The following AHNAK variants were observed in gnomAD, a reference collection of about 807,000 sequenced individuals.
AHNAK encodes neuroblast differentiation-associated protein AHNAK.
Under a neutral mutation model 37.8 loss-of-function variants are expected in AHNAK, and 23 were observed. The ratio of observed to expected loss-of-function variants is 0.61; its 90% CI spans 0.44 to 0.86. The LOEUF (loss-of-function observed/expected upper bound fraction) is 0.86. AHNAK is among the 40% of genes least tolerant of loss of function. The probability of loss-of-function intolerance (pLI) is 0.00; values close to 1 mark genes in which losing one functional copy is unlikely to be tolerated. For missense variants in AHNAK, 7,411 were observed against 7,319.4 expected (o/e 1.01, Z -0.46); for synonymous variants, 2,481 against 2,636.3 (o/e 0.94, Z 1.80).
chr11:62,484,193 G>A (rs868061962), intron 5 of AHNAK, among the ~76,000 whole-genome samples: 1 of 151,976 alleles, frequency 6.6e-6, no homozygotes, highest in Non-Finnish European at 1.5e-5. Flanking sequence ...TCTGAAAAAC[G>A]TAGTGAAACC....
Position 62,517,233 on chromosome 11 carries a change from G to A in AHNAK, c.17184C>T (p.Val5728=). The A allele has an allele frequency of 6.2e-7, 1 of 1,614,170 alleles. No homozygotes were observed. The highest frequency in any genetic ancestry group is 8.5e-7 in the Non-Finnish European group (1 of 1,180,048). ...NFSKPKGKGG[V]TGSPEASISG... is the part of the protein sequence containing the mutation. ...AAATTGATGCTTCTGGTGAGCCAGT[G>A]ACACCACCTTTCCCTTTAGGTTTGG... The change falls in exon 5 of 5, where the codon GTC becomes GTT. Residue 5728 remains valine (V), a synonymous_variant. Transcript: ENST00000378024.
intron 5 of AHNAK, among the ~76,000 whole-genome samples, chr11:62,442,902 G>A (rs2134783851): frequency 6.6e-6 from 1 of 152,012 alleles, no homozygotes; most frequent in South Asian, 2.1e-4. Context: ...ACAAATTGTA[G>A]TGAGAATGGC....
rs1293031 is a variant in AHNAK, at chr11:62,522,710, G to C, written c.11707C>G (p.Gln3903Glu). 4 of 1,611,404 alleles carry C rather than the reference G, an allele frequency of 2.5e-6. No homozygotes were observed. The Admixed American group carries it at 6.7e-5, about 27-fold the overall frequency. Residue 3903 changes from glutamine to glutamate, a missense_variant, in exon 5 of 5, where the codon CAA (glutamine) becomes GAA (glutamate). By Grantham distance (29) the Gln-to-Glu change is conservative. Coordinates refer to ENST00000378024, the MANE Select transcript of AHNAK (RefSeq NM_001620.3). Reference protein sequence around the residue: ...VSLPKVEGDMQVPDLDIKGPK... With the variant: ...VSLPKVEGDMEVPDLDIKGPK... ...CCTTTAATATCCAAGTCAGGAACTT[G>C]CATGTCACCTTCCACTTTTGGCAGA... is the stretch of plus-strand genomic sequence containing the variant.
At chr11:62,456,533 C>A (rs1363022872) in intron 5 of AHNAK, among the ~76,000 whole-genome samples, 1 of 152,142 alleles carries the variant, frequency 6.6e-6, no homozygotes, top group Non-Finnish European at 1.5e-5. Context: ...AGATTTCAAC[C>A]CAGTTGGCTG....
rs1401987875 is a variant in AHNAK at position 62,523,228 on chromosome 11, C to T, written c.11189G>A (p.Gly3730Glu). Residue 3730 changes from glycine to glutamate, a missense_variant, in exon 5 of 5, where the codon GGA becomes GAA. Gly to Glu is a moderately conservative substitution (Grantham distance 98). Transcript: ENST00000378024. The part of the protein sequence containing the change: ...NIEGSEGKFK[G>E]PKFKIPEMHL... ...CATCTCTGGTATCTTAAATTTGGGT[C>T]CCTTGAATTTACCCTCTGAGCCTTC... The T allele has an allele frequency of 6.2e-7, 1 of 1,612,934 alleles. No individual in the cohort carries two copies. The highest frequency in any genetic ancestry group is 8.5e-7 in the Non-Finnish European group (1 of 1,179,698).
At chr11:62,438,848 A>G (rs1325061763) in intron 5 of AHNAK, among the ~76,000 whole-genome samples, 1 of 152,198 alleles carries the variant, frequency 6.6e-6, no homozygotes, top group East Asian at 1.9e-4. Context: ...ATGAGGAGCA[A>G]AGGTCTCATA....
At position 62,530,461 on chromosome 11, in the gene AHNAK, T is replaced by C. The variant is rs1590675066; in HGVS notation, c.3956A>G (p.Lys1319Arg). ...PKFKMPEMHF[K>R]APKISMPDVD... is the part of the protein sequence containing the mutation. Reference sequence around the variant, plus strand: ...ATCAGGCATGGAGATCTTGGGGGCCTTGAAGTGCATCTCAGGCATCTTAAA... The same window carrying C: ...ATCAGGCATGGAGATCTTGGGGGCCCTGAAGTGCATCTCAGGCATCTTAAA... The change falls in exon 5 of 5, where the codon AAG (lysine) becomes AGG (arginine). Residue 1319 changes from lysine (K) to arginine (R), a missense_variant. Physicochemically the swap from Lys to Arg is conservative, Grantham distance 26. Transcript: ENST00000378024. The C allele has an allele frequency of 2.5e-6, 4 of 1,613,984 alleles. No homozygotes were observed. The highest frequency in any genetic ancestry group is 1.6e-4 in the Middle Eastern group (1 of 6,062).
Position 62,517,790 on chromosome 11 carries a change from C to A in AHNAK, c.16627G>T (p.Val5543Leu). The A allele has an allele frequency of 6.2e-7, 1 of 1,614,218 alleles. No homozygotes were observed. The highest frequency in any genetic ancestry group is 8.5e-7 in the Non-Finnish European group (1 of 1,180,040). ...GFHGAAPDIS[V>L]KGPAFNMASP... The stretch of plus-strand genomic sequence containing the variant: ...GCCATATTAAAGGCAGGCCCCTTCA[C>A]ACTGATATCAGGAGCAGCCCCATGG... The change falls in exon 5 of 5, where the codon GTG (valine) becomes TTG (leucine). Residue 5543 changes from valine to leucine, a missense_variant. Coordinates refer to ENST00000378024, the MANE Select transcript of AHNAK (RefSeq NM_001620.3).
At chr11:62,440,315 G>A (rs1199984660) in intron 5 of AHNAK, among the ~76,000 whole-genome samples, 4 of 152,078 alleles carry the variant, frequency 2.6e-5, no homozygotes, top group Non-Finnish European at 4.4e-5. Context: ...GAAAATGTTA[G>A]GGAACAAGTG....
intron 5 of AHNAK, among the ~76,000 whole-genome samples, chr11:62,458,063 G>A (rs112407251): frequency 0.018 from 2,768 of 150,890 alleles, 69 homozygotes; most frequent in African/African-American, 0.061. Flanking sequence ...ACAGGTGCCC[G>A]GCAACATGCC....
At chr11:62,457,262 A>G (rs1241823591) in intron 5 of AHNAK, among the ~76,000 whole-genome samples, 1 of 152,102 alleles carries the variant, frequency 6.6e-6, no homozygotes, top group East Asian at 1.9e-4. Context: ...CCTGGCTAAC[A>G]TGGTAAAACC....
Position 62,528,131 on chromosome 11 carries a change from G to C in AHNAK, c.6286C>G (p.Pro2096Ala), listed in dbSNP as rs1342899287. The C allele has an allele frequency of 6.2e-7, 1 of 1,612,840 alleles. No homozygotes were observed. Among genetic ancestry groups the C allele is most frequent in the Admixed American group, 1.7e-5 (1 of 59,794 alleles). The change falls in exon 5 of 5, where the codon CCA becomes GCA. Residue 2096 changes from proline to alanine, a missense_variant. By Grantham distance (27) the Pro-to-Ala change is conservative. Transcript: ENST00000378024. ...VEVPDVSLEG[P>A]EGKLKGPKLK... ...TTGGGGCCCTTCAGCTTCCCTTCTG[G>C]ACCTTCAAGGCTCACATCTGGGACT...
chr11:62,531,870 A>G lies in AHNAK; in HGVS notation c.2547T>C (p.Val849=). ...TGGCACTTTTAAGTTCAACATCAGG[A>G]ACTTTAATCTCACTTTCAACCTTTG... ...TMPKVESEIK[V]PDVELKSAKM... is the part of the protein sequence containing the mutation. Residue 849 remains valine (V), a synonymous_variant, in exon 5 of 5, where the codon GTT becomes GTC. Coordinates refer to ENST00000378024, the MANE Select transcript of AHNAK (RefSeq NM_001620.3). 2 of 1,611,988 alleles carry G rather than the reference A, an allele frequency of 1.2e-6. No individual in the cohort carries two copies. Among genetic ancestry groups the G allele is most frequent in the Non-Finnish European group, 1.7e-6 (2 of 1,179,582 alleles).
intron 5 of AHNAK, among the ~76,000 whole-genome samples, chr11:62,460,618 A>G (rs1194626806): frequency 6.6e-6 from 1 of 152,230 alleles, no homozygotes; most frequent in Non-Finnish European, 1.5e-5. Context: ...AAAGAGGGAA[A>G]AATACCTTTC....
chr11:62,483,449 G>C (rs894921089), intron 5 of AHNAK, among the ~76,000 whole-genome samples: 1 of 152,152 alleles, frequency 6.6e-6, no homozygotes, highest in Non-Finnish European at 1.5e-5. Flanking sequence ...AGGGCGGGCC[G>C]GGCGCGGTGG....
Position 62,516,065 on chromosome 11 carries a change from C to G in AHNAK, c.*679G>C, listed in dbSNP as rs1438914290. ...ACATGGCGGCATGAAGGAAACAGTT[C>G]CCTTACAAAACACAGAAAATGGAAG... On this transcript the variant is annotated 3_prime_UTR_variant, in exon 5 of 5. Coordinates refer to ENST00000378024, the MANE Select transcript of AHNAK (RefSeq NM_001620.3). 1.6e-6 allele frequency: 2 copies of G among 1,212,876 alleles called. No homozygotes were observed. The highest frequency in any genetic ancestry group is 1.2e-4 in the East Asian group (2 of 17,356). The allele number at this position is 1,212,876 out of a possible 1,614,324, so 75.1% of individuals were successfully genotyped here. A position where few individuals can be genotyped will look rare whatever the true frequency, so the allele number is the denominator to read the frequency against.
intron 5 of AHNAK, among the ~76,000 whole-genome samples, chr11:62,436,634 TA>T (rs34838843): frequency 0.11 from 15,375 of 142,454 alleles, 2,364 homozygotes; most frequent in African/African-American, 0.35. Flanking sequence ...TTCTTTTCAT[TA>T]AAAAAAAAAA....
At chr11:62,486,488 A>C (rs1939397375) in intron 5 of AHNAK, among the ~76,000 whole-genome samples, 1 of 148,468 alleles carries the variant, frequency 6.7e-6, no homozygotes, top group Non-Finnish European at 1.5e-5. Context: ...TCTCAAAAAA[A>C]AGAAAGAAAA....
chr11:62,533,971 C>A lies in AHNAK; in HGVS notation c.446G>T (p.Arg149Leu), dbSNP rs754494430. 4 of 1,612,736 alleles carry A rather than the reference C, an allele frequency of 2.5e-6. No individual in the cohort carries two copies. Among genetic ancestry groups the A allele is most frequent in the Admixed American group, 1.7e-5 (1 of 59,966 alleles). ...GACCCTTCTGGTCACTGTGATGGTA[C>A]GGCTCTGGGTCTCCCCGAGGTCTCC... Reference protein sequence around the residue: ...VEGDLGETQSRTITVTRRVTA... With the variant: ...VEGDLGETQSLTITVTRRVTA... The change falls in exon 5 of 5, where the codon CGT becomes CTT. Residue 149 changes from arginine (R) to leucine (L), a missense_variant. Physicochemically the swap from Arg to Leu is moderately radical, Grantham distance 102 (BLOSUM62 -2). Transcript: ENST00000378024.
Sources: gnomAD v4.1 joint callset for allele counts (sites outside exome capture counted in the v4.1 genomes callset) on GRCh38, gnomAD v4.1.1 for gene constraint, MANE v1.5 for transcripts, NCBI Gene and HGNC (gene_info 2026-07-23, HGNC 2026-07-21) for gene names.